RUNX2: variants seen among roughly 807,000 people sequenced by gnomAD.
RUNX2 encodes the protein runt-related transcription factor 2.
RUNX2 carries 10 observed loss-of-function variants against 51.7 expected under a neutral mutation model. The observed-to-expected ratio is 0.19, with a 90% CI of 0.12 to 0.33. The LOEUF is 0.33. Among genes scored for constraint, RUNX2 ranks in the 10% least tolerant of loss-of-function variants. The pLI is 1.00. For synonymous variants in RUNX2, 276 were observed against 273.6 expected (o/e 1.01, Z -0.09); for missense variants, 562 against 691.3 (o/e 0.81, Z 2.10).
chr6:45,498,475 A>G (rs2150411487), intron 6 of RUNX2, among the ~76,000 whole-genome samples: 1 of 152,272 alleles, frequency 6.6e-6, no homozygotes, highest in South Asian at 2.1e-4. Flanking sequence ...TCCATTATAC[A>G]TTATTTAGGA....
chr6:45,396,369 G>A (rs938868000), intron 2 of RUNX2, among the ~76,000 whole-genome samples: 1 of 152,046 alleles, frequency 6.6e-6, no homozygotes, highest in Non-Finnish European at 1.5e-5. Flanking sequence ...AGTTTTAGAA[G>A]GTTTGCATCA....
chr6:45,533,888 CTTT>C lies in RUNX2; in HGVS notation c.1022-11308_1022-11306del, dbSNP rs553154980. 1.8e-3 allele frequency among the ~76,000 whole-genome samples: 194 copies of C among 108,072 alleles called. 1 individual carries two copies. Among genetic ancestry groups the C allele is most frequent in the African/African-American group, 6.1e-3 (165 of 26,958 alleles). The allele number at this position is 108,072 out of a possible 152,430, so 70.9% of individuals were successfully genotyped here. ...AATACCGTCCTTTCCCCTGTTGAGA[CTTT>C]TTTTTTTTTTTTTTTTTTTTGGAGA... On this transcript the variant is annotated intron_variant, in intron 7 of 8. Transcript: ENST00000647337.
intron 2 of RUNX2, among the ~76,000 whole-genome samples, chr6:45,406,106 T>A (rs17209846): frequency 0.075 from 11,400 of 152,272 alleles, 593 homozygotes; most frequent in South Asian, 0.18. Flanking sequence ...AATTCTCGAC[T>A]GCTCTGTAAA....
intron 2 of RUNX2, among the ~76,000 whole-genome samples, chr6:45,387,969 G>A (rs1012897213): frequency 1.3e-5 from 2 of 152,162 alleles, no homozygotes; most frequent in African/African-American, 4.8e-5. Context: ...CAAGAAATTG[G>A]CCTGTGAAAG....
intron 7 of RUNX2, among the ~76,000 whole-genome samples, chr6:45,538,643 T>A (rs1445805986): frequency 6.6e-6 from 1 of 152,138 alleles, no homozygotes; most frequent in Non-Finnish European, 1.5e-5. Context: ...AAGGGTGGAT[T>A]TGTCCCTTTT....
At chr6:45,381,256 C>A (rs1024409200) in intron 2 of RUNX2, among the ~76,000 whole-genome samples, 1 of 152,078 alleles carries the variant, frequency 6.6e-6, no homozygotes, top group African/African-American at 2.4e-5. Flanking sequence ...ATCATTGCAC[C>A]CCAGTTTTTG....
Position 45,548,483 on chromosome 6 carries a change from C to T in RUNX2, c.*1178C>T, listed in dbSNP as rs988918255. 1 of 152,650 alleles carries T rather than the reference C, an allele frequency of 6.6e-6. No homozygotes were observed. Among genetic ancestry groups the T allele is most frequent in the Non-Finnish European group, 1.5e-5 (1 of 68,054 alleles). The allele number at this position is 152,650 out of a possible 1,614,324, so 9.5% of individuals were successfully genotyped here. The stretch of plus-strand genomic sequence containing the variant: ...AGATCTTTGAATGCCTCTAACACAG[C>T]TTTGCCTTCTAAAGCGGTAATTAGG... On this transcript the variant is annotated 3_prime_UTR_variant, in exon 9 of 9. Transcript: ENST00000647337.
At chr6:45,527,312 G>A (rs1012918947) in intron 7 of RUNX2, among the ~76,000 whole-genome samples, 3 of 152,196 alleles carry the variant, frequency 2.0e-5, no homozygotes, top group Admixed American at 6.5e-5. Flanking sequence ...GCAGTGTTAA[G>A]CCATTTGGCA....
intron 4 of RUNX2, among the ~76,000 whole-genome samples, chr6:45,436,262 C>A (rs946813165): frequency 1.3e-5 from 2 of 151,712 alleles, no homozygotes; most frequent in Non-Finnish European, 2.9e-5. Context: ...GGCAAGTGAT[C>A]AAGCCACTTA....
intron 2 of RUNX2, among the ~76,000 whole-genome samples, chr6:45,363,199 T>C (rs903049487): frequency 8.5e-5 from 13 of 152,092 alleles, no homozygotes; most frequent in Non-Finnish European, 1.2e-4. Context: ...AGACAACAGA[T>C]AGATGAATAA....
At chr6:45,476,076 G>A (rs908487985) in intron 5 of RUNX2, among the ~76,000 whole-genome samples, 3 of 152,178 alleles carry the variant, frequency 2.0e-5, no homozygotes, top group African/African-American at 7.2e-5. Flanking sequence ...CTCTATAAAT[G>A]ATATCATTTG....
At chr6:45,473,871 CG>C (rs1344079784) in intron 5 of RUNX2, among the ~76,000 whole-genome samples, 5 of 152,162 alleles carry the variant, frequency 3.3e-5, no homozygotes, top group Non-Finnish European at 7.3e-5. Context: ...TTTTCTTCCT[CG>C]GTCATAGTTG....
intron 5 of RUNX2, among the ~76,000 whole-genome samples, chr6:45,453,644 G>A (rs1285747493): frequency 2.0e-5 from 3 of 152,190 alleles, no homozygotes; most frequent in Non-Finnish European, 2.9e-5. Flanking sequence ...CCATGATAAT[G>A]CCTAAAGCAC....
intron 7 of RUNX2, among the ~76,000 whole-genome samples, chr6:45,538,293 A>G (rs1334994378): frequency 2.0e-5 from 3 of 152,236 alleles, no homozygotes; most frequent in Non-Finnish European, 4.4e-5. Context: ...TTAATTGACC[A>G]CATATGTTAT....
rs577713160 is a variant in RUNX2, at chr6:45,550,251, C to T, written c.*2946C>T. The T allele has an allele frequency of 6.6e-6, 1 of 152,602 alleles. No homozygotes were observed. The highest frequency in any genetic ancestry group is 2.4e-5 in the African/African-American group (1 of 41,554). 9.5% of individuals were successfully genotyped at this position (152,602 alleles called of 1,614,324 possible). ...CATATCAGAGTTCCAGAACAGGTACCACAGCTTTGGTTTTAGATTAGTGGA... is the reference window on the plus strand; with the variant it reads ...CATATCAGAGTTCCAGAACAGGTACTACAGCTTTGGTTTTAGATTAGTGGA... On this transcript the variant is annotated 3_prime_UTR_variant, in exon 9 of 9. Transcript: ENST00000647337.
intron 6 of RUNX2, 100 bp from the exon 7 acceptor site, chr6:45,512,146 C>G: frequency 9.0e-7 from 1 of 1,109,690 alleles, no homozygotes; most frequent in Non-Finnish European, 1.3e-6. Flanking sequence ...TTTTTTTTCT[C>G]TCCCTGTTTT....
chr6:45,373,257 T>A (rs1309699173), intron 2 of RUNX2, among the ~76,000 whole-genome samples: 1 of 152,062 alleles, frequency 6.6e-6, no homozygotes, highest in Non-Finnish European at 1.5e-5. Flanking sequence ...ATTTTCATGT[T>A]CATTATCTTA....
chr6:45,381,652 C>T (rs1196259437), intron 2 of RUNX2, among the ~76,000 whole-genome samples: 2 of 152,074 alleles, frequency 1.3e-5, no homozygotes, highest in East Asian at 3.9e-4. Flanking sequence ...TGGTCTCAAA[C>T]TCCTAGGCTT....
At chr6:45,495,302 G>A (rs1313038153) in intron 6 of RUNX2, among the ~76,000 whole-genome samples, 2 of 152,242 alleles carry the variant, frequency 1.3e-5, no homozygotes, top group Non-Finnish European at 2.9e-5. Flanking sequence ...AGCAATCGGT[G>A]CAATAAGGGT....
Sources: gnomAD v4.1 joint callset for allele counts (sites outside exome capture counted in the v4.1 genomes callset) on GRCh38, gnomAD v4.1.1 for gene constraint, MANE v1.5 for transcripts, NCBI Gene and HGNC (gene_info 2026-07-23, HGNC 2026-07-21) for gene names.